The following ANKRD11 variants were observed in gnomAD, a reference collection of about 807,000 sequenced individuals.
ANKRD11 encodes ankyrin repeat domain 11.
In ANKRD11, 17 loss-of-function variants were observed where a neutral mutation model predicts 195.7. The ratio of observed to expected loss-of-function variants is 0.09; its 90% confidence interval spans 0.06 to 0.13. ANKRD11 has a LOEUF of 0.13. Among genes scored for constraint, ANKRD11 ranks in the 10% least tolerant of loss-of-function variants. The pLI is 1.00. For missense variants in ANKRD11, 3,735 were observed against 3,566.1 expected, an observed-to-expected ratio of 1.05 and a Z score of -1.21; for synonymous variants, 1,953 against 1,528.1, an observed-to-expected ratio of 1.28 and a Z score of -6.49.
chr16:89,459,373 A>C (rs1220582568), intron 1 of ANKRD11: 1 of 152,508 alleles, frequency 6.6e-6, no homozygotes, highest in East Asian at 1.9e-4. Context: ...GAAAGTCAAT[A>C]AAACGGATGC....
intron 2 of ANKRD11, among the ~76,000 whole-genome samples, chr16:89,346,357 T>C (rs931436843): frequency 6.6e-6 from 1 of 150,552 alleles, no homozygotes; most frequent in Non-Finnish European, 1.5e-5. Flanking sequence ...GAGACAACCC[T>C]AACCCAGACT....
chr16:89,457,008 G>A lies in ANKRD11; in HGVS notation c.-145+33237C>T, dbSNP rs540947897. Among the ~76,000 whole-genome samples, 9 of 145,490 alleles carry A rather than the reference G, an allele frequency of 6.2e-5. No homozygotes were observed. In the South Asian group the frequency reaches 2.0e-3, roughly 32 times the overall value. On this transcript the variant is annotated intron_variant, in intron 1 of 12. Transcript: ENST00000301030. ...GGAGTCTCGCTCTGTCGCCCAGGCT[G>A]GAGTGCAGTGGCGCAATCTCGGCTC...
chr16:89,332,068 A>G (rs540440489), intron 2 of ANKRD11, among the ~76,000 whole-genome samples: 3 of 152,304 alleles, frequency 2.0e-5, no homozygotes, highest in African/African-American at 7.2e-5. Context: ...GGAAGGGATC[A>G]TTCGATCCCA....
rs549895368 is a variant in ANKRD11, at chr16:89,411,356, G to C, written c.-60+6928C>G. Among the ~76,000 whole-genome samples, 17 of 152,354 alleles carry C rather than the reference G, an allele frequency of 1.1e-4. No homozygotes were observed. The East Asian group carries it at 2.7e-3, about 24-fold the overall frequency. ...GGGAAACCTTGACTGCACCGGAAGA[G>C]GAGCAGGCTGCCCTGGCTGGGCCAG... On this transcript the variant is annotated intron_variant, in intron 2 of 12. Coordinates refer to ENST00000301030, the MANE Select transcript of ANKRD11 (RefSeq NM_013275.6).
At chr16:89,461,572 C>T (rs904537838) in intron 1 of ANKRD11, among the ~76,000 whole-genome samples, 1 of 152,134 alleles carries the variant, frequency 6.6e-6, no homozygotes, top group Non-Finnish European at 1.5e-5. Context: ...AACGCCTGTG[C>T]TCACGTTATC....
rs749486628 is a variant in ANKRD11, at chr16:89,279,970, G to C, written c.6572C>G (p.Pro2191Arg). Residue 2191 changes from proline to arginine, a missense_variant, in exon 9 of 13, where the codon CCT (proline) becomes CGT (arginine). Coordinates refer to ENST00000301030, the MANE Select transcript of ANKRD11 (RefSeq NM_013275.6). This position sits in a 1 kb window ranked among gnomAD's most constrained non-coding sequence, Gnocchi z 5.6. ...TVVAEEPPALPPDQASTRLPA... is the reference protein window; with the variant it reads ...TVVAEEPPALRPDQASTRLPA... ...GAGCCGGGTGGAGGCCTGGTCAGGA[G>C]GCAGTGCCGGCGGCTCCTCAGCCAC... The C allele has an allele frequency of 2.5e-6, 4 of 1,610,758 alleles. No individual in the cohort carries two copies. The South Asian group carries it at 4.4e-5, about 18-fold the overall frequency.
chr16:89,439,840 T>C (rs2043369374), intron 1 of ANKRD11, among the ~76,000 whole-genome samples: 2 of 152,208 alleles, frequency 1.3e-5, no homozygotes, highest in Admixed American at 1.3e-4. Flanking sequence ...CAGAGCCAGC[T>C]GTAAGCTCAA....
At position 89,372,646 on chromosome 16, in the gene ANKRD11, A is replaced by AT. The variant is rs547097106; in HGVS notation, c.-60+45637dup. On this transcript the variant is annotated intron_variant, in intron 2 of 12. Transcript: ENST00000301030. ...AAAAAATGTTTAAAGAAAGAAAAAA[A>AT]TTTTTTTGAAAACATGAACAAGTGC... Among the ~76,000 whole-genome samples, 99 of 152,286 alleles carry AT rather than the reference A, an allele frequency of 6.5e-4. 1 individual carries two copies. The highest frequency in any genetic ancestry group is 2.3e-3 in the African/African-American group (94 of 41,548).
chr16:89,391,632 G>A (rs187713672), intron 2 of ANKRD11, among the ~76,000 whole-genome samples: 26 of 152,316 alleles, frequency 1.7e-4, no homozygotes, highest in Non-Finnish European at 2.2e-4. Flanking sequence ...AAGCTACACA[G>A]ACAGATACAC....
At chr16:89,292,322 A>G (rs1314840453) in intron 4 of ANKRD11, among the ~76,000 whole-genome samples, 1 of 152,090 alleles carries the variant, frequency 6.6e-6, no homozygotes, top group Non-Finnish European at 1.5e-5. Context: ...ACAACGGACT[A>G]ACTGGATCCC....
At chr16:89,487,411 C>T (rs1597569663) in intron 1 of ANKRD11, among the ~76,000 whole-genome samples, 1 of 152,322 alleles carries the variant, frequency 6.6e-6, no homozygotes, top group Non-Finnish European at 1.5e-5. Context: ...GGGCTCTCTG[C>T]CCATATGCAA....
At chr16:89,481,343 G>A (rs552516208) in intron 1 of ANKRD11, among the ~76,000 whole-genome samples, 36 of 152,102 alleles carry the variant, frequency 2.4e-4, no homozygotes, top group Non-Finnish European at 4.9e-4. Flanking sequence ...TGAGGCAGGA[G>A]GACTACTTGA....
At chr16:89,374,871 T>G (rs1040643463) in intron 2 of ANKRD11, among the ~76,000 whole-genome samples, 3 of 152,046 alleles carry the variant, frequency 2.0e-5, no homozygotes, top group African/African-American at 7.3e-5. Context: ...CTGAAAAACT[T>G]ATTAGAGATT....
chr16:89,276,484 A>G (rs2033662325), intron 9 of ANKRD11, among the ~76,000 whole-genome samples: 1 of 152,178 alleles, frequency 6.6e-6, no homozygotes, highest in Admixed American at 6.5e-5. Context: ...CTATGACACC[A>G]GGAGCAGAAG....
At chr16:89,476,496 G>A (rs1443052632) in intron 1 of ANKRD11, among the ~76,000 whole-genome samples, 1 of 152,204 alleles carries the variant, frequency 6.6e-6, no homozygotes. Context: ...CAAACCAGGA[G>A]AGGTGCCTGG....
intron 4 of ANKRD11, among the ~76,000 whole-genome samples, chr16:89,303,154 G>GA (rs1213182311): frequency 3.9e-5 from 6 of 152,234 alleles, no homozygotes; most frequent in African/African-American, 1.4e-4. Flanking sequence ...CCAGGAAGCA[G>GA]AAGCAGATGC....
intron 2 of ANKRD11, among the ~76,000 whole-genome samples, chr16:89,385,779 A>G (rs1221271078): frequency 4.6e-5 from 7 of 152,242 alleles, no homozygotes; most frequent in African/African-American, 7.2e-5. Context: ...TGGCAGTGAG[A>G]CCGTGCCAGA....
chr16:89,397,758 TTC>T (rs2041508626), intron 2 of ANKRD11, among the ~76,000 whole-genome samples: 2 of 152,350 alleles, frequency 1.3e-5, no homozygotes, highest in African/African-American at 4.8e-5. Context: ...TCTGAGCATC[TTC>T]TGATTGACAG....
At chr16:89,328,666 C>G (rs1285447625) in intron 2 of ANKRD11, among the ~76,000 whole-genome samples, 11 of 148,560 alleles carry the variant, frequency 7.4e-5, no homozygotes, top group African/African-American at 2.8e-4. Flanking sequence ...GAGGCCCCTG[C>G]TGAGTGAGTG....
Sources: gnomAD v4.1 joint callset for allele counts (sites outside exome capture counted in the v4.1 genomes callset) on GRCh38, gnomAD v4.1.1 for gene constraint, Gnocchi (gnomAD v3.1) non-coding constraint, MANE v1.5 for transcripts, NCBI Gene and HGNC (gene_info 2026-07-23, HGNC 2026-07-21) for gene names.